ZC2HC1A: variants seen among roughly 807,000 people sequenced by gnomAD.
The protein encoded by ZC2HC1A is zinc finger C2HC-type containing 1A, also known as zinc finger C2HC domain-containing protein 1A.
In ZC2HC1A, 28 loss-of-function variants were observed where a neutral mutation model predicts 40.7. The ratio of observed to expected loss-of-function variants is 0.69; its 90% confidence interval spans 0.51 to 0.94. The LOEUF (loss-of-function observed/expected upper bound fraction) is 0.94. Among genes scored for constraint, ZC2HC1A ranks in the 40% least tolerant of loss-of-function variants. ZC2HC1A has a pLI of 0.00. For synonymous variants in ZC2HC1A, 129 were observed against 129.2 expected, an observed-to-expected ratio of 1.00 and a Z score of 0.01; for missense variants, 389 against 386.3, an observed-to-expected ratio of 1.01 and a Z score of -0.06.
chr8:78,698,333 G>A, intron 6 of ZC2HC1A, 81 bp from the exon 7 acceptor site: 5 of 1,144,430 alleles, frequency 4.4e-6, no homozygotes, highest in East Asian at 5.1e-5. Flanking sequence ...TATTACTAAA[G>A]CATTGTTTCC....
chr8:78,686,733 T>C, intron 4 of ZC2HC1A, 125 bp downstream of exon 4: 1 of 1,085,236 alleles, frequency 9.2e-7, no homozygotes, highest in South Asian at 4.2e-5. Flanking sequence ...ATCTTTAAAA[T>C]TTGGTGTAAA....
intron 7 of ZC2HC1A, chr8:78,712,001 A>T: frequency 7.8e-7 from 1 of 1,289,608 alleles, no homozygotes; most frequent in Non-Finnish European, 1.0e-6. Flanking sequence ...AATATGGACA[A>T]GTTAGGCCCT....
At chr8:78,707,433 G>GTGACA (rs1290048455) in intron 7 of ZC2HC1A, among the ~76,000 whole-genome samples, 1 of 152,176 alleles carries the variant, frequency 6.6e-6, no homozygotes, top group African/African-American at 2.4e-5. Context: ...TTGTCATGCT[G>GTGACA]TGACATATTG....
chr8:78,672,947 T>G (rs766678853), intron 1 of ZC2HC1A, among the ~76,000 whole-genome samples: 9 of 152,170 alleles, frequency 5.9e-5, no homozygotes, highest in Non-Finnish European at 1.0e-4. Flanking sequence ...GTGCAGAACG[T>G]GCAGGCTTGT....
Position 78,717,404 on chromosome 8 carries a change from C to A in ZC2HC1A, c.889C>A (p.Pro297Thr), listed in dbSNP as rs1266075647. 4 of 1,613,416 alleles carry A rather than the reference C, an allele frequency of 2.5e-6. No individual in the cohort carries two copies. The highest frequency in any genetic ancestry group is 3.4e-6 in the Non-Finnish European group (4 of 1,179,818). ...GIEGHSPGNL[P>T]KFCHECGTKY... is the part of the protein sequence containing the mutation. Reference sequence around the variant, plus strand: ...TGAAGGACATTCACCTGGAAACTTACCAAAATTCTGCCATGAGTGTGGGAC... The same window carrying A: ...TGAAGGACATTCACCTGGAAACTTAACAAAATTCTGCCATGAGTGTGGGAC... The change falls in exon 9 of 9, where the codon CCA becomes ACA. Residue 297 changes from proline (P) to threonine (T), a missense_variant. Transcript: ENST00000263849.
At chr8:78,694,534 G>A (rs1810334318) in intron 5 of ZC2HC1A, among the ~76,000 whole-genome samples, 1 of 152,142 alleles carries the variant, frequency 6.6e-6, no homozygotes, top group Non-Finnish European at 1.5e-5. Flanking sequence ...GCAAATCCAT[G>A]TGATGTTCAG....
intron 1 of ZC2HC1A, among the ~76,000 whole-genome samples, chr8:78,669,967 C>CTTTTTTTTTTTTT (rs371762916): frequency 3.3e-5 from 4 of 123,028 alleles, no homozygotes; most frequent in Non-Finnish European, 4.9e-5. Context: ...TTCTTTCTTT[C>CTTTTTTTTTTTTT]TTTCTTTTTT....
At chr8:78,687,807 TGTA>T (rs1810062251) in intron 4 of ZC2HC1A, among the ~76,000 whole-genome samples, 3 of 136,468 alleles carry the variant, frequency 2.2e-5, no homozygotes, top group Non-Finnish European at 4.6e-5. Context: ...TATATATTCA[TGTA>T]ATAAATATAT....
In ZC2HC1A at chr8:78,692,232, T is replaced by G. The variant is rs1335900102; in HGVS notation, c.504+2859T>G. On this transcript the variant is annotated intron_variant, in intron 5 of 8. Coordinates refer to ENST00000263849, the MANE Select transcript of ZC2HC1A (RefSeq NM_016010.3). ...TTTAGCCTCTGGTACTACCATTCAG[T>G]TCTCTGCTGCTTAGAGTTCCATTGT... Among the ~76,000 whole-genome samples, 6 of 152,326 alleles carry G rather than the reference T, an allele frequency of 3.9e-5. No homozygotes were observed. The South Asian group carries it at 1.2e-3, about 32-fold the overall frequency.
rs146492124 is a variant in ZC2HC1A, at chr8:78,689,273, A to G, written c.404A>G (p.Asp135Gly). 42 of 1,599,956 alleles carry G rather than the reference A, an allele frequency of 2.6e-5. No individual in the cohort carries two copies. The highest frequency in any genetic ancestry group is 3.6e-5 in the Non-Finnish European group (42 of 1,172,986). Residue 135 changes from aspartate (D) to glycine (G), a missense_variant, in exon 5 of 9, where the codon GAT (aspartate) becomes GGT (glycine). Coordinates refer to ENST00000263849, the MANE Select transcript of ZC2HC1A (RefSeq NM_016010.3). ...AGGAGATTCAATGAAAATGCAGCTG[A>G]TAGACATATAAATTTCTGTAAAGAA... ...CQRRFNENAADRHINFCKEQA... is the reference protein window; with the variant it reads ...CQRRFNENAAGRHINFCKEQA...
At chr8:78,677,743 A>G (rs1809629267) in intron 2 of ZC2HC1A, among the ~76,000 whole-genome samples, 1 of 152,174 alleles carries the variant, frequency 6.6e-6, no homozygotes, top group South Asian at 2.1e-4. Context: ...AAGGGTCCCA[A>G]TCCAGACACT....
intron 1 of ZC2HC1A, among the ~76,000 whole-genome samples, chr8:78,670,537 G>A (rs1393384180): frequency 1.3e-5 from 2 of 152,144 alleles, no homozygotes; most frequent in South Asian, 4.1e-4. Flanking sequence ...TTAGGTTAAT[G>A]TACCATTTTC....
In ZC2HC1A at chr8:78,686,551, C is replaced by G. The variant is rs1178359896; in HGVS notation, c.295C>G (p.Gln99Glu). The change falls in exon 4 of 9, where the codon CAG (glutamine) becomes GAG (glutamate). Residue 99 changes from glutamine (Q) to glutamate (E), a missense_variant. Transcript: ENST00000263849. ...ATIRAAKGLD[Q>E]ALKEGGKLPP... ...CATAAGAGCAGCTAAAGGCCTTGAT[C>G]AGGCCCTCAAAGAGGGTGGCAAACT... 2 of 1,544,452 alleles carry G rather than the reference C, an allele frequency of 1.3e-6. No individual in the cohort carries two copies. Among genetic ancestry groups the G allele is most frequent in the East Asian group, 2.4e-5 (1 of 41,676 alleles).
At chr8:78,691,306 T>C (rs1242116010) in intron 5 of ZC2HC1A, among the ~76,000 whole-genome samples, 2 of 152,318 alleles carry the variant, frequency 1.3e-5, no homozygotes, top group Middle Eastern at 3.4e-3. Context: ...TTGCATAGCA[T>C]TTATAAATTG....
intron 3 of ZC2HC1A, among the ~76,000 whole-genome samples, chr8:78,680,995 C>T (rs1012851017): frequency 5.3e-5 from 8 of 151,692 alleles, no homozygotes; most frequent in Admixed American, 6.6e-5. Context: ...GTTGAGGAGG[C>T]CTAGTGGCAG....
At chr8:78,669,748 T>C (rs747865600) in intron 1 of ZC2HC1A, among the ~76,000 whole-genome samples, 1 of 152,176 alleles carries the variant, frequency 6.6e-6, no homozygotes, top group Non-Finnish European at 1.5e-5. Flanking sequence ...TCCCCTTACT[T>C]TGTTCTACCT....
In ZC2HC1A at chr8:78,697,415, A is replaced by G. The variant is rs780479715; in HGVS notation, c.513A>G (p.Pro171=). Residue 171 remains proline, a synonymous_variant, in exon 6 of 9, where the codon CCA becomes CCG. Coordinates refer to ENST00000263849, the MANE Select transcript of ZC2HC1A (RefSeq NM_016010.3). ...KPTSRTQVYK[P]PALKKSNSPG... ...TTTTTCCATTATTTTAGTATAAGCC[A>G]CCCGCACTTAAAAAGTCAAATTCTC... The G allele has an allele frequency of 5.0e-6, 8 of 1,598,424 alleles. No homozygotes were observed. In the South Asian group the frequency reaches 9.1e-5, roughly 18 times the overall value.
intron 7 of ZC2HC1A, among the ~76,000 whole-genome samples, chr8:78,708,568 A>T (rs756711750): frequency 2.0e-4 from 31 of 152,162 alleles, no homozygotes; most frequent in Non-Finnish European, 1.6e-4. Context: ...AATGTAAAAA[A>T]AAGCAATCAA....
rs1230746370 is a variant in ZC2HC1A, at chr8:78,685,846, C to T, written c.211-621C>T. The T allele has an allele frequency of 3.9e-5, 6 of 152,220 alleles. No individual in the cohort carries two copies. In the East Asian group the frequency reaches 1.2e-3, roughly 29 times the overall value. The allele number at this position is 152,220 out of a possible 1,614,324, so 9.4% of individuals were successfully genotyped here. A position where few individuals can be genotyped will look rare whatever the true frequency, so the allele number is the denominator to read the frequency against. ...CTTTTCTGCTGCTGTAATAGAGTACCACAAACTGGATAATTTATAAAGAAA... is the reference window on the plus strand; with the variant it reads ...CTTTTCTGCTGCTGTAATAGAGTACTACAAACTGGATAATTTATAAAGAAA... On this transcript the variant is annotated intron_variant, in intron 3 of 8. Transcript: ENST00000263849.
Sources: gnomAD v4.1 joint callset for allele counts (sites outside exome capture counted in the v4.1 genomes callset) on GRCh38, gnomAD v4.1.1 for gene constraint, MANE v1.5 for transcripts, NCBI Gene and HGNC (gene_info 2026-07-23, HGNC 2026-07-21) for gene names.